Variants in IL27 observed in about 807,000 individuals in gnomAD.
IL27 encodes the protein interleukin-27 subunit alpha.
In IL27, 11 loss-of-function variants were observed where a neutral mutation model predicts 27.0. The observed-to-expected ratio is 0.41, with a 90% confidence interval of 0.26 to 0.67. The LOEUF (loss-of-function observed/expected upper bound fraction) is 0.67, where lower values mean the gene tolerates loss of function less well. IL27 is among the 30% of genes least tolerant of loss of function. The pLI is 0.34. For synonymous variants in IL27, 134 were observed against 140.6 expected (o/e 0.95, Z 0.33); for missense variants, 299 against 310.4 (o/e 0.96, Z 0.28).
chr16:28,502,754 C>T (rs972762400), intron 3 of IL27, among the ~76,000 whole-genome samples: 2 of 152,146 alleles, frequency 1.3e-5, no homozygotes, highest in Admixed American at 6.6e-5. Context: ...AGTCCCATGC[C>T]TGCCGCGTTC....
chr16:28,501,498 TCA>T (rs1228312434), intron 4 of IL27, among the ~76,000 whole-genome samples: 8 of 132,420 alleles, frequency 6.0e-5, no homozygotes, highest in Admixed American at 1.5e-4. Context: ...ACCCACACAC[TCA>T]CAGTCACACT....
chr16:28,502,935 G>A (rs529962862), intron 3 of IL27, among the ~76,000 whole-genome samples: 1 of 152,246 alleles, frequency 6.6e-6, no homozygotes, highest in South Asian at 2.1e-4. Flanking sequence ...TAATTCTCCT[G>A]CCTCAGCCTC....
chr16:28,506,671 T>C, intron 1 of IL27, 110 bp downstream of exon 1: 1 of 1,112,458 alleles, frequency 9.0e-7, no homozygotes, highest in Non-Finnish European at 1.3e-6. Flanking sequence ...GAATCCTCAG[T>C]CTTGGCCAAG....
chr16:28,502,067 C>T lies in IL27; in HGVS notation c.371G>A (p.Gly124Glu). ...CATGTTGGTCCAGCGGCCCTGGGTCCCCAGCCCTCCCAGCAGGGCATGGAA... is the reference window on the plus strand; with the variant it reads ...CATGTTGGTCCAGCGGCCCTGGGTCTCCAGCCCTCCCAGCAGGGCATGGAA... ...QPFHALLGGL[G>E]TQGRWTNMER... The change falls in exon 4 of 5, where the codon GGG becomes GAG. Residue 124 changes from glycine to glutamate, a missense_variant. Coordinates refer to ENST00000356897, the MANE Select transcript of IL27 (RefSeq NM_145659.3). 2.5e-6 allele frequency: 4 copies of T among 1,613,666 alleles called. No individual in the cohort carries two copies. The highest frequency in any genetic ancestry group is 3.4e-6 in the Non-Finnish European group (4 of 1,179,874).
In IL27 at chr16:28,499,634, G is replaced by T. The variant is rs1213725166; in HGVS notation, c.*17C>A. 1 of 1,593,366 alleles carries T rather than the reference G, an allele frequency of 6.3e-7. No individual in the cohort carries two copies. ...AAGTTCTAAAGGGTGGGGGGCAGGGGGCTAAGAAGCCACCGATCAGGGCTG... is the reference window on the plus strand; with the variant it reads ...AAGTTCTAAAGGGTGGGGGGCAGGGTGCTAAGAAGCCACCGATCAGGGCTG... On this transcript the variant is annotated 3_prime_UTR_variant, in exon 5 of 5. Transcript: ENST00000356897.
At position 28,499,732 on chromosome 16, in the gene IL27, G is replaced by A. The variant is rs149261658; in HGVS notation, c.651C>T (p.Ala217=). 103 of 1,613,514 alleles carry A rather than the reference G, an allele frequency of 6.4e-5. No individual in the cohort carries two copies. The highest frequency in any genetic ancestry group is 3.3e-4 in the Middle Eastern group (2 of 6,084). ...LHSLELVLSR[A]VRELLLLSKA... is the part of the protein sequence containing the mutation. The stretch of plus-strand genomic sequence containing the variant: ...TGGACAGCAGCAGCAACTCCCGCAC[G>A]GCCCGAGATAAGACGAGCTCCAAGG... Residue 217 remains alanine, a synonymous_variant, in exon 5 of 5, where the codon GCC becomes GCT. Transcript: ENST00000356897.
intron 3 of IL27, among the ~76,000 whole-genome samples, chr16:28,502,976 C>T (rs951915323): frequency 1.3e-5 from 2 of 152,152 alleles, no homozygotes; most frequent in African/African-American, 4.8e-5. Context: ...GCGCACAGCA[C>T]CATACCCGGC....
At position 28,499,940 on chromosome 16, in the gene IL27, G is replaced by A. The variant is rs1222238723; in HGVS notation, c.463-20C>T. 1 of 1,528,520 alleles carries A rather than the reference G, an allele frequency of 6.5e-7. No individual in the cohort carries two copies. Among genetic ancestry groups the A allele is most frequent in the Non-Finnish European group, 8.8e-7 (1 of 1,132,724 alleles). The allele number at this position is 1,528,520 out of a possible 1,614,324, so 94.7% of individuals were successfully genotyped here. A position where few individuals can be genotyped will look rare whatever the true frequency, so the allele number is the denominator to read the frequency against. ...CAGCACCTGTGAGGAGAGGCCATGG[G>A]TCAGGGAGGGGCCAGGCCGAGAACC... is the stretch of plus-strand genomic sequence containing the variant. On this transcript the variant is annotated intron_variant, in intron 4 of 4. Coordinates refer to ENST00000356897, the MANE Select transcript of IL27 (RefSeq NM_145659.3).
rs969596131 is a variant in IL27, at chr16:28,504,019, C to G, written c.63G>C (p.Leu21=). 3 of 1,611,092 alleles carry G rather than the reference C, an allele frequency of 1.9e-6. No individual in the cohort carries two copies. The highest frequency in any genetic ancestry group is 2.5e-6 in the Non-Finnish European group (3 of 1,178,394). ...RLSLLLLPLL[L]VQAGVWGFPR... ...GGAATCCCCAGACACCAGCTTGAAC[C>G]AGGAGCAAGGGAAGCAGCAACAGGC... Residue 21 remains leucine, a synonymous_variant, in exon 2 of 5, where the codon CTG becomes CTC. Coordinates refer to ENST00000356897, the MANE Select transcript of IL27 (RefSeq NM_145659.3).
intron 3 of IL27, among the ~76,000 whole-genome samples, chr16:28,502,706 C>T (rs1847370472): frequency 6.6e-6 from 1 of 152,164 alleles, no homozygotes; most frequent in South Asian, 2.1e-4. Flanking sequence ...CCTCCACCCA[C>T]CCTCCATGCT....
intron 4 of IL27, among the ~76,000 whole-genome samples, 190 bp downstream of exon 4, chr16:28,501,786 G>C (rs1400217188): frequency 6.9e-6 from 1 of 145,008 alleles, no homozygotes; most frequent in Non-Finnish European, 1.5e-5. Context: ...GACCCACACA[G>C]TCACACTCAC....
rs893935903 is a variant in IL27, at chr16:28,499,900, G to A, written c.483C>T (p.Asn161=). Residue 161 remains asparagine, a synonymous_variant, in exon 5 of 5, where the codon AAC becomes AAT. Transcript: ENST00000356897. ...LRFQVLAAGF[N]LPEEEEEEEE... ...CTTCCTCCTCCTCCTCCTCCGGGAG[G>A]TTGAATCCTGCAGCCAGCACCTGTG... is the stretch of plus-strand genomic sequence containing the variant. The A allele has an allele frequency of 3.2e-6, 5 of 1,549,896 alleles. No individual in the cohort carries two copies. In the African/African-American group the frequency reaches 6.9e-5, roughly 21 times the overall value.
At chr16:28,501,134 A>G (rs1054029197) in intron 4 of IL27, among the ~76,000 whole-genome samples, 4 of 151,880 alleles carry the variant, frequency 2.6e-5, no homozygotes, top group Non-Finnish European at 5.9e-5. Context: ...TGTTACAGTG[A>G]GCTGAGATCG....
chr16:28,499,783 G>C lies in IL27; in HGVS notation c.600C>G (p.Leu200=). 6.2e-7 allele frequency: 1 copy of C among 1,611,740 alleles called. No individual in the cohort carries two copies. Among genetic ancestry groups the C allele is most frequent in the Non-Finnish European group, 8.5e-7 (1 of 1,179,116 alleles). The change falls in exon 5 of 5, where the codon CTC becomes CTG. Residue 200 remains leucine, a synonymous_variant. Coordinates refer to ENST00000356897, the MANE Select transcript of IL27 (RefSeq NM_145659.3). Reference sequence around the variant, plus strand: ...AGTGCAGCAGGCGGTAGGTGGAGAGGAGCTGGGGCCAGGACACCTGGGCCG... The same window carrying C: ...AGTGCAGCAGGCGGTAGGTGGAGAGCAGCTGGGGCCAGGACACCTGGGCCG... ...QGPAQVSWPQ[L]LSTYRLLHSL...
At chr16:28,501,900 G>A (rs578190747) in intron 4 of IL27, 76 bp downstream of exon 4, 2 of 1,500,762 alleles carry the variant, frequency 1.3e-6, no homozygotes, top group East Asian at 2.3e-5. Context: ...CACACTCAGA[G>A]CATGGGATCA....
At position 28,500,249 on chromosome 16, in the gene IL27, T is replaced by C. The variant is rs1244368184; in HGVS notation, c.463-329A>G. ...GGTCAGCAACAGGCAGAGGGTGACA[T>C]AGCTCAGATTCCCTGCTGCTTGCCA... On this transcript the variant is annotated intron_variant, in intron 4 of 4. Transcript: ENST00000356897. Among the ~76,000 whole-genome samples the C allele has an allele frequency of 2.6e-5, 4 of 152,112 alleles. No individual in the cohort carries two copies. In the South Asian group the frequency reaches 6.2e-4, roughly 24 times the overall value.
At chr16:28,502,824 T>G (rs1377464926) in intron 3 of IL27, among the ~76,000 whole-genome samples, 3 of 152,126 alleles carry the variant, frequency 2.0e-5, no homozygotes, top group Non-Finnish European at 4.4e-5. Flanking sequence ...GCTTCATCTT[T>G]ATTGTTGGTT....
At chr16:28,502,834 T>G (rs2046440292) in intron 3 of IL27, among the ~76,000 whole-genome samples, 1 of 152,148 alleles carries the variant, frequency 6.6e-6, no homozygotes, top group Non-Finnish European at 1.5e-5. Context: ...TATTGTTGGT[T>G]TGTTTTGAGA....
chr16:28,506,668 C>G (rs1047349295), intron 1 of IL27, 113 bp downstream of exon 1: 7 of 1,065,690 alleles, frequency 6.6e-6, no homozygotes, highest in Non-Finnish European at 9.6e-6. Flanking sequence ...GCCGAATCCT[C>G]AGTCTTGGCC....
Sources: allele counts gnomAD v4.1 joint callset (sites outside exome capture counted in the v4.1 genomes callset), GRCh38; gene constraint gnomAD v4.1.1; transcripts MANE v1.5; gene names NCBI Gene and HGNC (gene_info 2026-07-23, HGNC 2026-07-21).